ATCAY: variants seen among roughly 807,000 people sequenced by gnomAD.
The protein encoded by ATCAY is ATCAY kinesin light chain interacting caytaxin.
ATCAY carries 22 observed loss-of-function variants against 47.7 expected under a neutral mutation model. That is an observed-to-expected ratio of 0.46 (90% CI 0.33 to 0.66). The LOEUF (loss-of-function observed/expected upper bound fraction) is 0.66. Among genes scored for constraint, ATCAY ranks in the 30% least tolerant of loss-of-function variants. ATCAY has a pLI of 0.02. For missense variants in ATCAY, 452 were observed against 515.0 expected (o/e 0.88, Z 1.18); for synonymous variants, 216 against 207.6 (o/e 1.04, Z -0.35).
intron 2 of ATCAY, among the ~76,000 whole-genome samples, chr19:3,888,307 G>C (rs1052582350): frequency 6.6e-6 from 1 of 152,056 alleles, no homozygotes; most frequent in South Asian, 2.1e-4. Flanking sequence ...AAAAGACCAG[G>C]TGTGTTCCGC....
Position 3,905,348 on chromosome 19 carries a change from G to T in ATCAY, c.137-86G>T, listed in dbSNP as rs1051393169. 15 of 1,349,524 alleles carry T rather than the reference G, an allele frequency of 1.1e-5. No individual in the cohort carries two copies. In the African/African-American group the frequency reaches 1.9e-4, roughly 17 times the overall value. The allele number at this position is 1,349,524 out of a possible 1,614,324, so 83.6% of individuals were successfully genotyped here. ...CCCTCTCTTCCCATTCCTGCATGATGAAACAGCTTCCACCAGGTAGGAAAA... is the reference window on the plus strand; with the variant it reads ...CCCTCTCTTCCCATTCCTGCATGATTAAACAGCTTCCACCAGGTAGGAAAA... On this transcript the variant is annotated intron_variant, in intron 3 of 12. Transcript: ENST00000450849.
At chr19:3,888,096 A>G (rs1016420714) in intron 2 of ATCAY, among the ~76,000 whole-genome samples, 2 of 146,090 alleles carry the variant, frequency 1.4e-5, no homozygotes, top group African/African-American at 5.2e-5. Context: ...CCCGGGTGAC[A>G]GTGTGAGACT....
chr19:3,922,229 G>A, intron 12 of ATCAY: 1 of 701,250 alleles, frequency 1.4e-6, no homozygotes, highest in South Asian at 1.5e-5. Flanking sequence ...CGTTGTGAGT[G>A]TTATTAGTCC....
chr19:3,915,283 C>T (rs1487666182), intron 9 of ATCAY, among the ~76,000 whole-genome samples: 1 of 151,798 alleles, frequency 6.6e-6, no homozygotes, highest in Admixed American at 6.6e-5. Flanking sequence ...AGCGATTCTC[C>T]TGCCTCAGCC....
chr19:3,885,100 T>G (rs1245543415), intron 1 of ATCAY, among the ~76,000 whole-genome samples: 2 of 116,424 alleles, frequency 1.7e-5, no homozygotes, highest in African/African-American at 3.1e-5. Flanking sequence ...AAGATCATGT[T>G]TTTTTTTTTA....
chr19:3,883,332 ACT>A (rs1252909433), intron 1 of ATCAY, among the ~76,000 whole-genome samples: 3 of 151,818 alleles, frequency 2.0e-5, no homozygotes, highest in African/African-American at 2.4e-5. Flanking sequence ...ACAGAGCGAG[ACT>A]CTGTCTCAAA....
intron 2 of ATCAY, among the ~76,000 whole-genome samples, chr19:3,896,151 C>T (rs1483793861): frequency 4.6e-5 from 7 of 151,968 alleles, no homozygotes; most frequent in Non-Finnish European, 1.0e-4. Context: ...TGCGCCCAGT[C>T]TGAGATGCTT....
chr19:3,891,414 C>T (rs1177537178), intron 2 of ATCAY, among the ~76,000 whole-genome samples: 1 of 152,038 alleles, frequency 6.6e-6, no homozygotes, highest in African/African-American at 2.4e-5. Flanking sequence ...GAGCTGAAGG[C>T]AGCCCGGAGA....
chr19:3,894,986 G>A, intron 2 of ATCAY: 1 of 312,526 alleles, frequency 3.2e-6, no homozygotes, highest in South Asian at 2.6e-5. Context: ...CCTCCTCAAT[G>A]AGGCCTTCCC....
At chr19:3,899,181 C>T (rs62133663) in intron 2 of ATCAY, among the ~76,000 whole-genome samples, 3,496 of 150,744 alleles carry the variant, frequency 0.023, 59 homozygotes, top group Non-Finnish European at 0.033. Flanking sequence ...GCAGTGGTTA[C>T]GCAAAAACAT....
chr19:3,890,940 A>G (rs1206181722), intron 2 of ATCAY, among the ~76,000 whole-genome samples: 1 of 152,070 alleles, frequency 6.6e-6, no homozygotes, highest in East Asian at 1.9e-4. Context: ...ACAGCTCACA[A>G]TTCTGTTTCT....
rs2038879717 is a variant in ATCAY, at chr19:3,907,973, A to G, written c.544+54A>G. 2 of 1,576,110 alleles carry G rather than the reference A, an allele frequency of 1.3e-6. No individual in the cohort carries two copies. Among genetic ancestry groups the G allele is most frequent in the African/African-American group, 2.7e-5 (2 of 74,038 alleles). ...GGGCTCCAGCCCGGCCCACTGGGCAACAGGGGGTTCGTCAGTGCCCCTCTC... is the reference window on the plus strand; with the variant it reads ...GGGCTCCAGCCCGGCCCACTGGGCAGCAGGGGGTTCGTCAGTGCCCCTCTC... On this transcript the variant is annotated intron_variant, in intron 5 of 12. Coordinates refer to ENST00000450849, the MANE Select transcript of ATCAY (RefSeq NM_033064.5). This position sits in a 1 kb window ranked among gnomAD's most constrained non-coding sequence, Gnocchi z 5.1.
intron 2 of ATCAY, among the ~76,000 whole-genome samples, chr19:3,886,153 G>C (rs1364881423): frequency 6.6e-6 from 1 of 152,166 alleles, no homozygotes; most frequent in African/African-American, 2.4e-5. Context: ...CATTTTAAGA[G>C]TTCTTAACAT....
rs1258259032 is a variant in ATCAY, at chr19:3,913,808, A to G, written c.917A>G (p.Glu306Gly). 6.2e-7 allele frequency: 1 copy of G among 1,613,854 alleles called. No individual in the cohort carries two copies. Among genetic ancestry groups the G allele is most frequent in the Non-Finnish European group, 8.5e-7 (1 of 1,179,860 alleles). ...IQYVHSLEDL[E>G]QLIPMEHVQI... ...TACGTGCACAGCTTGGAAGACCTGG[A>G]GCAACTCATCCCTATGGAACACGTC... is the stretch of plus-strand genomic sequence containing the variant. Residue 306 changes from glutamate to glycine, a missense_variant, in exon 9 of 13, where the codon GAG (glutamate) becomes GGG (glycine). Transcript: ENST00000450849.
chr19:3,912,664 G>A (rs1338715195), intron 8 of ATCAY, among the ~76,000 whole-genome samples: 2 of 152,012 alleles, frequency 1.3e-5, no homozygotes, highest in Non-Finnish European at 2.9e-5. Context: ...AGGATCGCTT[G>A]AGGCCAGGAG....
At chr19:3,917,876 AC>A in intron 10 of ATCAY, 99 bp downstream of exon 10, 1 of 1,378,182 alleles carries the variant, frequency 7.3e-7, no homozygotes, top group Non-Finnish European at 9.9e-7. Context: ...GGCAGCAGGG[AC>A]CATTGTCCTG....
intron 10 of ATCAY, among the ~76,000 whole-genome samples, chr19:3,918,461 G>A (rs779285357): frequency 1.9e-4 from 29 of 151,680 alleles, no homozygotes; most frequent in Admixed American, 6.6e-4. Flanking sequence ...AGACTGAATC[G>A]GGACGACTGC....
chr19:3,917,584 C>CAAAAAAAAAAAAAAAAAAAAAAAAAA (rs71166940), intron 9 of ATCAY, among the ~76,000 whole-genome samples, 158 bp from the exon 10 acceptor site: 1 of 40,836 alleles, frequency 2.4e-5, no homozygotes, highest in Non-Finnish European at 4.2e-5. Context: ...GACTCCATCT[C>CAAAAAAAAAAAAAAAAAAAAAAAAAA]AAAAAAAAAA....
chr19:3,907,743 C>G lies in ATCAY; in HGVS notation c.368C>G (p.Pro123Arg). 6.2e-7 allele frequency: 1 copy of G among 1,613,994 alleles called. No individual in the cohort carries two copies. Among genetic ancestry groups the G allele is most frequent in the Non-Finnish European group, 8.5e-7 (1 of 1,179,872 alleles). Residue 123 changes from proline (P) to arginine (R), a missense_variant, in exon 5 of 13, where the codon CCC becomes CGC. Transcript: ENST00000450849. The surrounding 1 kb of genome is among the most constrained non-coding windows in gnomAD (Gnocchi z 5.1). The stretch of plus-strand genomic sequence containing the variant: ...CGCCACCTGCTTCTAGACGACACCC[C>G]CGTGGCCACCGCCAAGAACATGCCC... ...GNELEWEDDTPVATAKNMPGD... is the reference protein window; with the variant it reads ...GNELEWEDDTRVATAKNMPGD...
Sources: gnomAD v4.1 joint callset for allele counts (sites outside exome capture counted in the v4.1 genomes callset) on GRCh38, gnomAD v4.1.1 for gene constraint, Gnocchi (gnomAD v3.1) non-coding constraint, MANE v1.5 for transcripts, NCBI Gene and HGNC (gene_info 2026-07-23, HGNC 2026-07-21) for gene names.